CNTNAP2: variants seen among roughly 807,000 people sequenced by gnomAD.
CNTNAP2 encodes contactin associated protein 2, also known as contactin-associated protein-like 2.
A neutral mutation model predicts 155.2 loss-of-function variants in CNTNAP2; 98 were observed. The observed-to-expected ratio is 0.63, with a 90% CI of 0.54 to 0.75. The LOEUF is 0.75. Ranked by LOEUF, CNTNAP2 falls within the 30% of genes least tolerant of loss-of-function variation. The probability of loss-of-function intolerance (pLI) is 0.00; values close to 1 mark genes in which losing one functional copy is unlikely to be tolerated. For missense variants in CNTNAP2, 1,727 were observed against 1,688.1 expected (o/e 1.02, Z -0.40); for synonymous variants, 651 against 631.2 (o/e 1.03, Z -0.47).
chr7:147,163,723 T>A (rs368601175), intron 8 of CNTNAP2, among the ~76,000 whole-genome samples: 13 of 152,330 alleles, frequency 8.5e-5, no homozygotes, highest in African/African-American at 3.1e-4. Flanking sequence ...TTTCTATAAA[T>A]AAGTATGTAC....
rs1044623962 is a variant in CNTNAP2, at chr7:148,051,389, A to G, written c.2384-66729A>G. Among the ~76,000 whole-genome samples, 3 of 152,104 alleles carry G rather than the reference A, an allele frequency of 2.0e-5. No individual in the cohort carries two copies. The East Asian group carries it at 5.8e-4, about 29-fold the overall frequency. ...TAAGTGGCCATCCGGAAGTTATGCA[A>G]TATGTTTTCTTTCTCTTTTCTTTTC... On this transcript the variant is annotated intron_variant, in intron 15 of 23. Transcript: ENST00000361727.
At chr7:147,058,885 A>G (rs1359394201) in intron 4 of CNTNAP2, among the ~76,000 whole-genome samples, 1 of 152,176 alleles carries the variant, frequency 6.6e-6, no homozygotes, top group Non-Finnish European at 1.5e-5. Context: ...GATTACAGGC[A>G]TGAGCCACCA....
intron 15 of CNTNAP2, among the ~76,000 whole-genome samples, chr7:148,001,823 AT>A (rs919318137): frequency 6.6e-6 from 1 of 150,634 alleles, no homozygotes; most frequent in African/African-American, 2.5e-5. Context: ...TTTCTGGTCT[AT>A]TTTTTTCAGG....
chr7:146,467,143 CTCTA>C (rs1162352539), intron 1 of CNTNAP2, among the ~76,000 whole-genome samples: 5 of 152,184 alleles, frequency 3.3e-5, no homozygotes, highest in African/African-American at 9.6e-5. Context: ...AATTTATGAA[CTCTA>C]TCATATTTGA....
chr7:146,552,445 G>A (rs560967920), intron 1 of CNTNAP2, among the ~76,000 whole-genome samples: 2 of 152,042 alleles, frequency 1.3e-5, no homozygotes, highest in Admixed American at 6.6e-5. Context: ...TTCTGGGTTC[G>A]ATCACTTCTA....
chr7:147,170,467 C>CT (rs1232141412), intron 8 of CNTNAP2, among the ~76,000 whole-genome samples: 1 of 152,100 alleles, frequency 6.6e-6, no homozygotes, highest in Admixed American at 6.5e-5. Flanking sequence ...GTGGGCTTCC[C>CT]TGGGGCAGGT....
chr7:146,363,404 G>A (rs1420218866), intron 1 of CNTNAP2, among the ~76,000 whole-genome samples: 4 of 152,102 alleles, frequency 2.6e-5, no homozygotes, highest in Non-Finnish European at 2.9e-5. Context: ...CCATAAAATG[G>A]CACTTGAGTT....
chr7:146,726,786 C>T (rs143841006), intron 1 of CNTNAP2, among the ~76,000 whole-genome samples: 249 of 152,188 alleles, frequency 1.6e-3, no homozygotes, highest in Middle Eastern at 6.8e-3. Context: ...TATAAATGAA[C>T]ATTAAGTACC....
intron 1 of CNTNAP2, among the ~76,000 whole-genome samples, chr7:146,768,117 T>C (rs1802229869): frequency 1.3e-5 from 2 of 151,986 alleles, no homozygotes; most frequent in South Asian, 4.1e-4. Context: ...AAATGTAAAA[T>C]ATAAATTAAA....
At chr7:147,574,477 T>G (rs934572280) in intron 12 of CNTNAP2, among the ~76,000 whole-genome samples, 2 of 152,108 alleles carry the variant, frequency 1.3e-5, no homozygotes, top group East Asian at 1.9e-4. Flanking sequence ...AGCTCTTCCT[T>G]TTATTCTCAG....
At chr7:147,559,883 A>G (rs1431935972) in intron 11 of CNTNAP2, among the ~76,000 whole-genome samples, 4 of 144,752 alleles carry the variant, frequency 2.8e-5, no homozygotes, top group Non-Finnish European at 6.1e-5. Flanking sequence ...AAAAAAAAAC[A>G]TTTGAGGCCA....
At chr7:148,404,392 G>C (rs1055927786) in intron 22 of CNTNAP2, among the ~76,000 whole-genome samples, 2 of 152,248 alleles carry the variant, frequency 1.3e-5, no homozygotes, top group Non-Finnish European at 2.9e-5. Context: ...TAGTAAACCA[G>C]ATGTCCAGAC....
In CNTNAP2 at chr7:147,563,627, C is replaced by CAATAAATA. The variant is rs35385008; in HGVS notation, c.1897+1393_1897+1400dup. On this transcript the variant is annotated intron_variant, in intron 12 of 23. Coordinates refer to ENST00000361727, the MANE Select transcript of CNTNAP2 (RefSeq NM_014141.6). ...TTGGTGACAGAGCAAGACTCCATCTCAATAAATAAATAAATAAATAAATAA... is the reference window on the plus strand; with the variant it reads ...TTGGTGACAGAGCAAGACTCCATCTCAATAAATAAATAAATAAATAAATAAATAAATAA... Among the ~76,000 whole-genome samples, 1,431 of 149,196 alleles carry CAATAAATA rather than the reference C, an allele frequency of 9.6e-3. 24 individuals are homozygous for CAATAAATA. The highest frequency in any genetic ancestry group is 0.032 in the African/African-American group (1,275 of 40,382).
intron 1 of CNTNAP2, among the ~76,000 whole-genome samples, chr7:146,228,020 G>C (rs1398100887): frequency 2.0e-5 from 3 of 152,128 alleles, no homozygotes; most frequent in Non-Finnish European, 2.9e-5. Flanking sequence ...TTCCTACAAA[G>C]CATGCACTCC....
intron 10 of CNTNAP2, among the ~76,000 whole-genome samples, chr7:147,484,338 C>T (rs1026319815): frequency 6.6e-6 from 1 of 152,084 alleles, no homozygotes; most frequent in African/African-American, 2.4e-5. Flanking sequence ...TAGTCCTGTC[C>T]ATTCATTGAG....
At chr7:147,518,121 T>C (rs1799162022) in intron 11 of CNTNAP2, among the ~76,000 whole-genome samples, 1 of 152,086 alleles carries the variant, frequency 6.6e-6, no homozygotes, top group African/African-American at 2.4e-5. Flanking sequence ...GTAGTTACTG[T>C]TAAAATTAAG....
chr7:148,164,200 A>G (rs1805605607), intron 17 of CNTNAP2, among the ~76,000 whole-genome samples: 1 of 152,120 alleles, frequency 6.6e-6, no homozygotes, highest in African/African-American at 2.4e-5. Flanking sequence ...GGCCTCCCAA[A>G]GTGCTGGGAT....
At chr7:148,101,648 A>T (rs1804103580) in intron 15 of CNTNAP2, among the ~76,000 whole-genome samples, 1 of 152,210 alleles carries the variant, frequency 6.6e-6, no homozygotes, top group Non-Finnish European at 1.5e-5. Context: ...TCTTAATTTT[A>T]GAGCCCTTGT....
intron 1 of CNTNAP2, among the ~76,000 whole-genome samples, chr7:146,616,897 AT>A (rs1799234132): frequency 6.6e-6 from 1 of 152,206 alleles, no homozygotes; most frequent in South Asian, 2.1e-4. Flanking sequence ...AGTTTATTCC[AT>A]AGAAAAAAAA....
Sources: allele counts gnomAD v4.1 joint callset (sites outside exome capture counted in the v4.1 genomes callset), GRCh38; gene constraint gnomAD v4.1.1; transcripts MANE v1.5; gene names NCBI Gene and HGNC (gene_info 2026-07-23, HGNC 2026-07-21).